Variants in CD163L1 observed in about 807,000 individuals in gnomAD.
CD163L1 encodes scavenger receptor cysteine-rich type 1 protein M160.
In CD163L1, 124 loss-of-function variants were observed where a neutral mutation model predicts 165.4. That is an observed-to-expected ratio of 0.75 (90% confidence interval 0.65 to 0.87). The LOEUF is 0.87. Among genes scored for constraint, CD163L1 ranks in the 40% least tolerant of loss-of-function variants. CD163L1 has a pLI of 0.00. For synonymous variants in CD163L1, 585 were observed against 662.2 expected (o/e 0.88, Z 1.79); for missense variants, 1,525 against 1,799.9 (o/e 0.85, Z 2.76).
chr12:7,443,738 A>G (rs1948857519), intron 1 of CD163L1, among the ~76,000 whole-genome samples: 1 of 152,196 alleles, frequency 6.6e-6, no homozygotes, highest in Non-Finnish European at 1.5e-5. Context: ...TGTGTGAATT[A>G]AATTGAGATG....
downstream of CD163L1, among the ~76,000 whole-genome samples, chr12:7,352,049 G>A (rs1235920468): frequency 1.3e-5 from 2 of 152,076 alleles, no homozygotes; most frequent in African/African-American, 4.8e-5. Flanking sequence ...AACAAATAAA[G>A]TAAAAATCAT....
At chr12:7,437,238 T>TA (rs57252539) in intron 2 of CD163L1, among the ~76,000 whole-genome samples, 2 of 84,280 alleles carry the variant, frequency 2.4e-5, no homozygotes, top group African/African-American at 9.2e-5. Context: ...AAGTATTTAC[T>TA]TTTAAATAGT....
chr12:7,440,510 A>C (rs1948816079), intron 2 of CD163L1, among the ~76,000 whole-genome samples: 1 of 151,878 alleles, frequency 6.6e-6, no homozygotes, highest in South Asian at 2.1e-4. Flanking sequence ...ATTGTATTTA[A>C]TTCTTTGATT....
chr12:7,322,069 A>C, the CD163L1 span, among the ~76,000 whole-genome samples: 3 of 152,240 alleles, frequency 2.0e-5, no homozygotes, highest in Non-Finnish European at 2.9e-5. Context: ...CCCTTACAAC[A>C]TAGCGACTGA....
the CD163L1 span, among the ~76,000 whole-genome samples, chr12:7,331,304 G>A: frequency 3.9e-5 from 6 of 152,244 alleles, no homozygotes; most frequent in Non-Finnish European, 8.8e-5. Context: ...AAACTGGGTG[G>A]AGCCCACCAC....
At chr12:7,349,781 C>T (rs952438298) in intron 4 of CD163L1, among the ~76,000 whole-genome samples, 1 of 152,150 alleles carries the variant, frequency 6.6e-6, no homozygotes, top group Non-Finnish European at 1.5e-5. Context: ...GGGAACAATA[C>T]ACTAAGCTGG....
In CD163L1 at chr12:7,372,086, C is replaced by CA. The variant is rs1340621643; in HGVS notation, c.3730+1233dup. On this transcript the variant is annotated intron_variant, in intron 14 of 19. Coordinates refer to ENST00000313599, the MANE Select transcript of CD163L1 (RefSeq NM_174941.6). This position sits in a 1 kb window ranked among gnomAD's most constrained non-coding sequence, Gnocchi z 4.2. ...GCAAAATGCTTAAAAATATGAACCA[C>CA]AAACAGACAATATTCATAAATAATG... 1.3e-5 allele frequency among the ~76,000 whole-genome samples: 2 copies of CA among 151,816 alleles called. No individual in the cohort carries two copies. Among genetic ancestry groups the CA allele is most frequent in the African/African-American group, 4.8e-5 (2 of 41,348 alleles).
rs80060728 is a variant in CD163L1 at position 7,427,519 on chromosome 12, G to A, written c.766+4897C>T. Among the ~76,000 whole-genome samples the A allele has an allele frequency of 6.9e-3, 1,052 of 152,200 alleles. 32 individuals carry two copies. In the East Asian group the frequency reaches 0.07, roughly 10 times the overall value. On this transcript the variant is annotated intron_variant, in intron 4 of 19. Coordinates refer to ENST00000313599, the MANE Select transcript of CD163L1 (RefSeq NM_174941.6). ...ACCATCAAAAAATTAATAATAAAATGAGTGGGAAGAAACTTTGGGAGGTGA... is the reference window on the plus strand; with the variant it reads ...ACCATCAAAAAATTAATAATAAAATAAGTGGGAAGAAACTTTGGGAGGTGA...
At position 7,379,071 on chromosome 12, in the gene CD163L1, T is replaced by G; in HGVS notation, c.2278A>C (p.Thr760Pro). 6.2e-7 allele frequency: 1 copy of G among 1,614,172 alleles called. No individual in the cohort carries two copies. Among genetic ancestry groups the G allele is most frequent in the South Asian group, 1.1e-5 (1 of 91,082 alleles). The change falls in exon 9 of 20, where the codon ACT becomes CCT. Residue 760 changes from threonine to proline, a missense_variant. Coordinates refer to ENST00000313599, the MANE Select transcript of CD163L1 (RefSeq NM_174941.6). ...LHILMSNSGC[T>P]GGEASLWDCI... The stretch of plus-strand genomic sequence containing the variant: ...TCCCAGAGAGAGGCTTCCCCTCCAG[T>G]GCAGCCAGAATTCGACATTAAGATG...
At chr12:7,344,005 G>A (rs11052125), downstream of CD163L1, among the ~76,000 whole-genome samples, 8,957 of 152,090 alleles carry the variant, frequency 0.059, 377 homozygotes, top group East Asian at 0.17. Flanking sequence ...ATTCCAAAGG[G>A]AGAAATGGTC....
rs1273121597 is a variant in CD163L1, at chr12:7,400,496, A to C, written c.1409-1912T>G. Among the ~76,000 whole-genome samples, 1 of 152,172 alleles carries C rather than the reference A, an allele frequency of 6.6e-6. No homozygotes were observed. The highest frequency in any genetic ancestry group is 1.9e-4 in the East Asian group (1 of 5,194). On this transcript the variant is annotated intron_variant, in intron 6 of 19. Coordinates refer to ENST00000313599, the MANE Select transcript of CD163L1 (RefSeq NM_174941.6). The surrounding 1 kb of genome is among the most constrained non-coding windows in gnomAD (Gnocchi z 4.1). ...AATGATATAATTTCTGCACAAATCA[A>C]ACCAATTTATATTTATATTGTATTT...
chr12:7,384,777 C>A (rs191621984), intron 8 of CD163L1, among the ~76,000 whole-genome samples: 193 of 151,998 alleles, frequency 1.3e-3, no homozygotes, highest in African/African-American at 4.3e-3. Flanking sequence ...CTAGATTGGT[C>A]ATACAAGAAA....
At chr12:7,439,827 G>T in intron 2 of CD163L1, 1 of 1,613,172 alleles carries the variant, frequency 6.2e-7, no homozygotes. Flanking sequence ...CATCCTCTCC[G>T]TCCTCCTCAC....
Position 7,403,538 on chromosome 12 carries a change from A to G in CD163L1, c.1405T>C (p.Ser469Pro), listed in dbSNP as rs1455840220. ...TCTCATGATCTTTGAACCTTACCAGAACAAATTACTCCAGCATCTGATCTT... is the reference window on the plus strand; with the variant it reads ...TCTCATGATCTTTGAACCTTACCAGGACAAATTACTCCAGCATCTGATCTT... Reference protein sequence around the residue: ...FRRSDAGVICSDKADLDLRLV... With the variant: ...FRRSDAGVICPDKADLDLRLV... The change falls in exon 6 of 20, where the codon TCT becomes CCT. Residue 469 changes from serine (S) to proline (P), a missense_variant. Coordinates refer to ENST00000313599, the MANE Select transcript of CD163L1 (RefSeq NM_174941.6). The G allele has an allele frequency of 6.2e-7, 1 of 1,610,728 alleles. No homozygotes were observed. Among genetic ancestry groups the G allele is most frequent in the Non-Finnish European group, 8.5e-7 (1 of 1,178,332 alleles).
At chr12:7,418,224 A>G (rs1286001677) in intron 4 of CD163L1, among the ~76,000 whole-genome samples, 1 of 152,114 alleles carries the variant, frequency 6.6e-6, no homozygotes, top group Non-Finnish European at 1.5e-5. Context: ...AATCAACCCC[A>G]AAAGAAACCC....
intron 4 of CD163L1, among the ~76,000 whole-genome samples, chr12:7,408,394 T>C (rs1234817960): frequency 1.3e-5 from 2 of 152,158 alleles, no homozygotes; most frequent in Non-Finnish European, 1.5e-5. Context: ...CAGTGTATTA[T>C]TATTTTAATA....
At chr12:7,442,586 A>G (rs1222355600) in intron 1 of CD163L1, among the ~76,000 whole-genome samples, 3 of 152,200 alleles carry the variant, frequency 2.0e-5, no homozygotes, top group Non-Finnish European at 4.4e-5. Context: ...TCCCTATAGA[A>G]CGAAACAGGG....
chr12:7,429,322 A>C (rs1429939835), intron 4 of CD163L1, among the ~76,000 whole-genome samples: 1 of 152,112 alleles, frequency 6.6e-6, no homozygotes, highest in African/African-American at 2.4e-5. Context: ...ATTTGTCTTT[A>C]TAGAAAATTT....
the CD163L1 span, chr12:7,324,524 G>C: frequency 6.2e-7 from 1 of 1,613,992 alleles, no homozygotes; most frequent in South Asian, 1.1e-5. Flanking sequence ...ATTTGAAGTG[G>C]AGAGTGCACT....
Sources: gnomAD v4.1 joint callset for allele counts (sites outside exome capture counted in the v4.1 genomes callset) on GRCh38, gnomAD v4.1.1 for gene constraint, Gnocchi (gnomAD v3.1) non-coding constraint, MANE v1.5 for transcripts, NCBI Gene and HGNC (gene_info 2026-07-23, HGNC 2026-07-21) for gene names.